SLC15A2: variants seen among roughly 807,000 people sequenced by gnomAD.
SLC15A2 encodes kidney H(+)/peptide cotransporter.
SLC15A2 carries 77 observed loss-of-function variants against 95.5 expected under a neutral mutation model. That is an observed-to-expected ratio of 0.81 (90% CI 0.67 to 0.97). The LOEUF is 0.97. Ranked by LOEUF, SLC15A2 falls within the 50% of genes least tolerant of loss-of-function variation. The pLI is 0.00. For synonymous variants in SLC15A2, 306 were observed against 306.9 expected (o/e 1.00, Z 0.03); for missense variants, 893 against 874.4 (o/e 1.02, Z -0.27).
At chr3:121,939,516 G>A (rs201972736) in intron 20 of SLC15A2, 21 bp downstream of exon 20, 9 of 1,470,628 alleles carry the variant, frequency 6.1e-6, no homozygotes, top group Non-Finnish European at 8.1e-6. Flanking sequence ...GCAAATAGAA[G>A]GTAGAAATTG....
At position 121,937,078 on chromosome 3, in the gene SLC15A2, T is replaced by C. The variant is rs1306684657; in HGVS notation, c.1762-2271T>C. On this transcript the variant is annotated intron_variant, in intron 19 of 21. Transcript: ENST00000489711. ...GGTTGAAAATTCTTTTCTTTAAGAA[T>C]GTTGAATATTGGCCCCCACTCTCTT... 3.6e-3 allele frequency among the ~76,000 whole-genome samples: 495 copies of C among 138,554 alleles called. 3 individuals are homozygous for C. Among genetic ancestry groups the C allele is most frequent in the African/African-American group, 0.012 (448 of 37,050 alleles). The allele number at this position is 138,554 out of a possible 152,430, so 90.9% of individuals were successfully genotyped here. A position where few individuals can be genotyped will look rare whatever the true frequency, so the allele number is the denominator to read the frequency against.
At chr3:121,915,359 G>T in intron 6 of SLC15A2, 42 bp downstream of exon 6, 3 of 1,389,438 alleles carry the variant, frequency 2.2e-6, no homozygotes, top group African/African-American at 2.8e-5. Context: ...GCTTTGCTCT[G>T]GTCAGCCAAA....
intron 5 of SLC15A2, among the ~76,000 whole-genome samples, chr3:121,914,637 C>G (rs1316305512): frequency 6.6e-6 from 1 of 152,078 alleles, no homozygotes; most frequent in East Asian, 1.9e-4. Context: ...AAACATTTAT[C>G]GAGTCCCTAA....
chr3:121,898,908 A>G (rs1170155899), intron 3 of SLC15A2, among the ~76,000 whole-genome samples: 1 of 152,206 alleles, frequency 6.6e-6, no homozygotes, highest in Non-Finnish European at 1.5e-5. Context: ...CTATAGACAT[A>G]ACACAGTACT....
intron 7 of SLC15A2, among the ~76,000 whole-genome samples, chr3:121,921,171 A>G (rs1239652402): frequency 6.6e-6 from 1 of 152,248 alleles, no homozygotes; most frequent in African/African-American, 2.4e-5. Context: ...AGTATAGAAC[A>G]GAAGTGTTTG....
chr3:121,915,308 A>G lies in SLC15A2; in HGVS notation c.610A>G (p.Met204Val), dbSNP rs201993309. Residue 204 changes from methionine to valine, a missense_variant, in exon 6 of 22, where the codon ATG becomes GTG. Physicochemically the swap from Met to Val is conservative, Grantham distance 21 (BLOSUM62 1). Coordinates refer to ENST00000489711, the MANE Select transcript of SLC15A2 (RefSeq NM_021082.4). ...GSLISTFITPMLRGDVQCFGE... is the reference protein window; with the variant it reads ...GSLISTFITPVLRGDVQCFGE... ...CTTGATTTCTACATTTATCACACCCATGCTGAGAGGTTAGGATTTTTTTGA... is the reference window on the plus strand; with the variant it reads ...CTTGATTTCTACATTTATCACACCCGTGCTGAGAGGTTAGGATTTTTTTGA... 1.3e-6 allele frequency: 2 copies of G among 1,599,252 alleles called. No homozygotes were observed. Among genetic ancestry groups the G allele is most frequent in the East Asian group, 2.3e-5 (1 of 43,766 alleles).
rs1298041215 is a variant in SLC15A2 at position 121,941,849 on chromosome 3, A to C, written c.*842A>C. The C allele has an allele frequency of 6.6e-6, 1 of 152,226 alleles. No individual in the cohort carries two copies. Among genetic ancestry groups the C allele is most frequent in the African/African-American group, 2.4e-5 (1 of 41,464 alleles). 9.4% of individuals were successfully genotyped at this position (152,226 alleles called of 1,614,324 possible). A position where few individuals can be genotyped will look rare whatever the true frequency, so the allele number is the denominator to read the frequency against. On this transcript the variant is annotated 3_prime_UTR_variant, in exon 22 of 22. Coordinates refer to ENST00000489711, the MANE Select transcript of SLC15A2 (RefSeq NM_021082.4). ...TCAGTGAACAGTTGTATAAACAATA[A>C]TTATAATTTGCAACCTTGTCTTGTC...
intron 19 of SLC15A2, among the ~76,000 whole-genome samples, chr3:121,935,022 CAT>C (rs1710310456): frequency 6.6e-6 from 1 of 152,140 alleles, no homozygotes; most frequent in Non-Finnish European, 1.5e-5. Flanking sequence ...TTGAGATAAT[CAT>C]GTGGTTTTTG....
chr3:121,912,084 G>A (rs1709778847), intron 4 of SLC15A2, among the ~76,000 whole-genome samples: 3 of 152,172 alleles, frequency 2.0e-5, no homozygotes, highest in Admixed American at 1.3e-4. Context: ...ATGTTTATGG[G>A]ATCAGAGGCA....
intron 19 of SLC15A2, among the ~76,000 whole-genome samples, chr3:121,935,853 T>C (rs1478719533): frequency 1.3e-5 from 2 of 152,202 alleles, no homozygotes; most frequent in African/African-American, 4.8e-5. Flanking sequence ...TTAATTGTGA[T>C]GTTAGGGTGT....
intron 3 of SLC15A2, among the ~76,000 whole-genome samples, chr3:121,900,572 C>T (rs1245723926): frequency 6.6e-6 from 1 of 152,194 alleles, no homozygotes; most frequent in Non-Finnish European, 1.5e-5. Context: ...TGCTTACTGT[C>T]ATACTTATCT....
At chr3:121,936,771 G>A (rs1175602573) in intron 19 of SLC15A2, among the ~76,000 whole-genome samples, 1 of 142,206 alleles carries the variant, frequency 7.0e-6, no homozygotes. Flanking sequence ...TACATTTAAA[G>A]TTAATATTGT....
rs780584829 is a variant in SLC15A2, at chr3:121,925,034, G to T, written c.1124+1G>T. ...TCTCCAAGTGTGGAATTAACTTCTC[G>T]TAAGTGTTCACTATGTCTGTATGGA... On this transcript the variant is annotated splice_donor_variant, in intron 13 of 21. Transcript: ENST00000489711. LOFTEE classifies it high-confidence loss of function. 1.9e-6 allele frequency: 3 copies of T among 1,600,086 alleles called. No individual in the cohort carries two copies. Among genetic ancestry groups the T allele is most frequent in the Non-Finnish European group, 2.6e-6 (3 of 1,167,376 alleles).
At chr3:121,922,055 C>T (rs1710015943) in intron 7 of SLC15A2, among the ~76,000 whole-genome samples, 165 bp from the exon 8 acceptor site, 1 of 152,228 alleles carries the variant, frequency 6.6e-6, no homozygotes, top group Admixed American at 6.5e-5. Flanking sequence ...GCCACTCCCA[C>T]AGTTCAGCAT....
intron 3 of SLC15A2, among the ~76,000 whole-genome samples, chr3:121,904,687 C>T (rs1709595301): frequency 6.6e-6 from 1 of 152,154 alleles, no homozygotes; most frequent in Non-Finnish European, 1.5e-5. Flanking sequence ...AGCCTTGCAT[C>T]CCAGGGATGA....
chr3:121,924,702 G>T lies in SLC15A2; in HGVS notation c.1036-243G>T, dbSNP rs990550183. Among the ~76,000 whole-genome samples, 6 of 152,194 alleles carry T rather than the reference G, an allele frequency of 3.9e-5. 1 individual carries two copies. The highest frequency in any genetic ancestry group is 8.8e-5 in the Non-Finnish European group (6 of 68,026). On this transcript the variant is annotated intron_variant, in intron 12 of 21. Transcript: ENST00000489711. ...CATGAGAGGAAAGAGCTCACAATAAGGCTGGCAGAAAGACAGGCTCAGAGT... is the reference window on the plus strand; with the variant it reads ...CATGAGAGGAAAGAGCTCACAATAATGCTGGCAGAAAGACAGGCTCAGAGT...
chr3:121,924,296 A>ATTTTT, intron 11 of SLC15A2, 55 bp from the exon 12 acceptor site: 1 of 1,411,000 alleles, frequency 7.1e-7, no homozygotes, highest in African/African-American at 1.4e-5. Flanking sequence ...CTAGGCCAAC[A>ATTTTT]TTTTTTTTTC....
rs145503177 is a variant in SLC15A2 at position 121,902,801 on chromosome 3, A to G, written c.335+5272A>G. Reference sequence around the variant, plus strand: ...TGGTTGCAAGTTTTTGCTATTGTGAATAGTGCTGCAGTAAACATATGTATG... The same window carrying G: ...TGGTTGCAAGTTTTTGCTATTGTGAGTAGTGCTGCAGTAAACATATGTATG... On this transcript the variant is annotated intron_variant, in intron 3 of 21. Transcript: ENST00000489711. Among the ~76,000 whole-genome samples the G allele has an allele frequency of 3.5e-4, 54 of 152,310 alleles. 1 individual carries two copies. The East Asian group carries it at 0.01, about 29-fold the overall frequency.
At chr3:121,896,988 CAGCT>C (rs1709430388) in intron 2 of SLC15A2, among the ~76,000 whole-genome samples, 2 of 147,990 alleles carry the variant, frequency 1.4e-5, no homozygotes, top group East Asian at 4.2e-4. Context: ...TATGAGCTAA[CAGCT>C]CTTGGCTAAG....
Sources: gnomAD v4.1 joint callset for allele counts (sites outside exome capture counted in the v4.1 genomes callset) on GRCh38, gnomAD v4.1.1 for gene constraint, MANE v1.5 for transcripts, NCBI Gene and HGNC (gene_info 2026-07-23, HGNC 2026-07-21) for gene names.